Variants in MR1 observed in about 807,000 individuals in gnomAD.
The protein encoded by MR1 is major histocompatibility complex, class I-related.
Under a neutral mutation model 37.8 loss-of-function variants are expected in MR1, and 44 were observed. That is an observed-to-expected ratio of 1.16 (90% CI 0.91 to 1.50). The LOEUF (loss-of-function observed/expected upper bound fraction) is 1.50. MR1 is among the 40% of genes most tolerant of loss of function. MR1 has a pLI of 0.00. For synonymous variants in MR1, 153 were observed against 155.8 expected (o/e 0.98, Z 0.13); for missense variants, 386 against 419.1 (o/e 0.92, Z 0.69).
intron 1 of MR1, among the ~76,000 whole-genome samples, chr1:181,043,488 C>G (rs538504312): frequency 6.6e-6 from 1 of 152,286 alleles, no homozygotes; most frequent in East Asian, 1.9e-4. Context: ...TTTGGGAGGC[C>G]AAAGTGGGAG....
chr1:181,047,845 A>C (rs887333465), intron 1 of MR1, among the ~76,000 whole-genome samples: 2 of 152,070 alleles, frequency 1.3e-5, no homozygotes, highest in African/African-American at 4.8e-5. Flanking sequence ...GGTTGTAGTA[A>C]GCCAAGATCA....
chr1:181,051,488 G>C (rs1255702269), intron 3 of MR1, among the ~76,000 whole-genome samples: 1 of 152,122 alleles, frequency 6.6e-6, no homozygotes, highest in Non-Finnish European at 1.5e-5. Flanking sequence ...TAAGGTGGGG[G>C]TCAGGAGGCA....
rs1247289892 is a variant in MR1 at position 181,060,354 on chromosome 1, G to A, written c.*5089G>A. 2 of 152,076 alleles carry A rather than the reference G, an allele frequency of 1.3e-5. No individual in the cohort carries two copies. The highest frequency in any genetic ancestry group is 4.8e-5 in the African/African-American group (2 of 41,374). 9.4% of individuals were successfully genotyped at this position (152,076 alleles called of 1,614,324 possible). On this transcript the variant is annotated 3_prime_UTR_variant, in exon 6 of 6. Coordinates refer to ENST00000367580, the MANE Select transcript of MR1 (RefSeq NM_001385161.1). ...GAAGGCCACATTCTGAGGTACTGGGGGTTATAACTTCAACATGAATTTTTT... is the reference window on the plus strand; with the variant it reads ...GAAGGCCACATTCTGAGGTACTGGGAGTTATAACTTCAACATGAATTTTTT...
chr1:181,044,245 G>A (rs1657733794), intron 1 of MR1, among the ~76,000 whole-genome samples: 1 of 152,186 alleles, frequency 6.6e-6, no homozygotes, highest in Non-Finnish European at 1.5e-5. Flanking sequence ...TTACAGGCGT[G>A]AGCCACTGCG....
chr1:181,052,588 G>C, intron 4 of MR1, 78 bp downstream of exon 4: 1 of 1,482,520 alleles, frequency 6.7e-7, no homozygotes, highest in Non-Finnish European at 9.2e-7. Flanking sequence ...CGCTGCCAGG[G>C]AGGGGAGGAT....
chr1:181,046,158 G>A lies in MR1; in HGVS notation c.68-2894G>A, dbSNP rs537110711. On this transcript the variant is annotated intron_variant, in intron 1 of 5. Coordinates refer to ENST00000367580, the MANE Select transcript of MR1 (RefSeq NM_001385161.1). ...TGCGGCCCGAGCCTCCCCGATGAGC[G>A]CCACCCCTGCTCCACGGCGCCAGTC... 3.9e-5 allele frequency among the ~76,000 whole-genome samples: 6 copies of A among 152,258 alleles called. No homozygotes were observed. In the South Asian group the frequency reaches 6.2e-4, roughly 16 times the overall value.
At chr1:181,054,870 AAAAAG>A (rs769088387) in intron 5 of MR1, among the ~76,000 whole-genome samples, 6 of 152,248 alleles carry the variant, frequency 3.9e-5, no homozygotes, top group East Asian at 1.9e-4. Flanking sequence ...TCAAAAAAGA[AAAAAG>A]AAAAGAAAAG....
In MR1 at chr1:181,052,385, T is replaced by C. The variant is rs1276702801; in HGVS notation, c.755T>C (p.Ile252Thr). 1 of 1,614,178 alleles carries C rather than the reference T, an allele frequency of 6.2e-7. No homozygotes were observed. Among genetic ancestry groups the C allele is most frequent in the Non-Finnish European group, 8.5e-7 (1 of 1,180,032 alleles). Residue 252 changes from isoleucine (I) to threonine (T), a missense_variant, in exon 4 of 6, where the codon ATT becomes ACT. Coordinates refer to ENST00000367580, the MANE Select transcript of MR1 (RefSeq NM_001385161.1). ...EIVQEIDYGD[I>T]LPSGDGTYQA... ...GTCCAAGAAATTGATTATGGAGACA[T>C]TCTTCCCAGTGGGGATGGAACCTAT... is the stretch of plus-strand genomic sequence containing the variant.
In MR1 at chr1:181,056,465, C is replaced by T. The variant is rs987509273; in HGVS notation, c.*1200C>T. The T allele has an allele frequency of 6.6e-6, 1 of 151,990 alleles. No individual in the cohort carries two copies. Among genetic ancestry groups the T allele is most frequent in the Non-Finnish European group, 1.5e-5 (1 of 68,012 alleles). The allele number at this position is 151,990 out of a possible 1,614,324, so 9.4% of individuals were successfully genotyped here. On this transcript the variant is annotated 3_prime_UTR_variant, in exon 6 of 6. Coordinates refer to ENST00000367580, the MANE Select transcript of MR1 (RefSeq NM_001385161.1). ...CATTTCTGCCTTTCCTGTGCTGGCTCATGGTAGCTGGGCATGACTTGCCTT... is the reference window on the plus strand; with the variant it reads ...CATTTCTGCCTTTCCTGTGCTGGCTTATGGTAGCTGGGCATGACTTGCCTT...
At chr1:181,047,380 C>A (rs548983015) in intron 1 of MR1, among the ~76,000 whole-genome samples, 1 of 152,022 alleles carries the variant, frequency 6.6e-6, no homozygotes, top group Non-Finnish European at 1.5e-5. Flanking sequence ...GTGGGCAGAT[C>A]ATGAGGTCAG....
Position 181,049,176 on chromosome 1 carries a change from G to A in MR1, c.192G>A (p.Gln64=). 1 of 1,614,206 alleles carries A rather than the reference G, an allele frequency of 6.2e-7. No individual in the cohort carries two copies. Among genetic ancestry groups the A allele is most frequent in the Non-Finnish European group, 8.5e-7 (1 of 1,180,036 alleles). ...CCACATATGACAGTGTCACTCGGCAGAAGGAGCCACGGGCCCCATGGATGG... is the reference window on the plus strand; with the variant it reads ...CCACATATGACAGTGTCACTCGGCAAAAGGAGCCACGGGCCCCATGGATGG... ...PITTYDSVTR[Q]KEPRAPWMAE... The change falls in exon 2 of 6, where the codon CAG becomes CAA. Residue 64 remains glutamine (Q), a synonymous_variant. Transcript: ENST00000367580.
intron 1 of MR1, among the ~76,000 whole-genome samples, chr1:181,042,540 G>A (rs1204019437): frequency 6.8e-6 from 1 of 146,362 alleles, no homozygotes; most frequent in Admixed American, 6.7e-5. Flanking sequence ...GGTGGCTCAC[G>A]CCTGTAATCC....
intron 1 of MR1, among the ~76,000 whole-genome samples, chr1:181,035,957 T>C (rs55764324): frequency 0.28 from 43,170 of 152,036 alleles, 6,855 homozygotes; most frequent in African/African-American, 0.43. Flanking sequence ...TTCTCTGTTC[T>C]GTTCTGTGTC....
Position 181,053,575 on chromosome 1 carries a change from T to A in MR1, c.883T>A (p.Ser295Thr). ...TTTTCTCATTTGCTTGCTTTCAGAATCAGAAACTATCCCTCTTGTGATGAA... is the reference window on the plus strand; with the variant it reads ...TTTTCTCATTTGCTTGCTTTCAGAAACAGAAACTATCCCTCTTGTGATGAA... Reference protein sequence around the residue: ...VHMVLQVPQESETIPLVMKAV... With the variant: ...VHMVLQVPQETETIPLVMKAV... Residue 295 changes from serine to threonine, a missense_variant and splice_region_variant, in exon 5 of 6, where the codon TCA (serine) becomes ACA (threonine). Ser to Thr is a moderately conservative substitution (Grantham distance 58, BLOSUM62 1). Coordinates refer to ENST00000367580, the MANE Select transcript of MR1 (RefSeq NM_001385161.1). 2.5e-6 allele frequency: 4 copies of A among 1,612,122 alleles called. No individual in the cohort carries two copies. Among genetic ancestry groups the A allele is most frequent in the Non-Finnish European group, 2.5e-6 (3 of 1,178,342 alleles).
In MR1 at chr1:181,049,323, G is replaced by T. The variant is rs190989943; in HGVS notation, c.328+11G>T. On this transcript the variant is annotated intron_variant, in intron 2 of 5. Coordinates refer to ENST00000367580, the MANE Select transcript of MR1 (RefSeq NM_001385161.1). ...ACTACAATCACTCAGGTGTGCATGC[G>T]GCAGAGACAGACGCTTCCCCCATCC... 4 of 1,608,784 alleles carry T rather than the reference G, an allele frequency of 2.5e-6. No homozygotes were observed. Among genetic ancestry groups the T allele is most frequent in the East Asian group, 4.5e-5 (2 of 44,632 alleles).
upstream of MR1, chr1:181,033,412 G>T (rs1283733466): frequency 6.9e-6 from 1 of 144,078 alleles, no homozygotes; most frequent in Non-Finnish European, 1.5e-5. Context: ...AGCAAGCTGA[G>T]TGGCTGCCCC....
chr1:181,052,380 A>G lies in MR1; in HGVS notation c.750A>G (p.Gly250=). 6.2e-7 allele frequency: 1 copy of G among 1,614,194 alleles called. No individual in the cohort carries two copies. The highest frequency in any genetic ancestry group is 1.1e-5 in the South Asian group (1 of 91,084). The part of the protein sequence containing the change: ...GEEIVQEIDY[G]DILPSGDGTY... ...AAATTGTCCAAGAAATTGATTATGGAGACATTCTTCCCAGTGGGGATGGAA... is the reference window on the plus strand; with the variant it reads ...AAATTGTCCAAGAAATTGATTATGGGGACATTCTTCCCAGTGGGGATGGAA... Residue 250 remains glycine, a synonymous_variant, in exon 4 of 6, where the codon GGA becomes GGG. Transcript: ENST00000367580.
intron 3 of MR1, among the ~76,000 whole-genome samples, chr1:181,051,879 T>C (rs1413157951): frequency 6.6e-6 from 1 of 152,176 alleles, no homozygotes; most frequent in Non-Finnish European, 1.5e-5. Context: ...CTGACTTACT[T>C]ATTGGGAACA....
At chr1:181,042,618 G>A (rs56030303) in intron 1 of MR1, among the ~76,000 whole-genome samples, 44,643 of 151,072 alleles carry the variant, frequency 0.3, 7,550 homozygotes, top group African/African-American at 0.47. Context: ...CCTGGCCAAC[G>A]TGGCAAAAAC....
Sources: allele counts gnomAD v4.1 joint callset (sites outside exome capture counted in the v4.1 genomes callset), GRCh38; gene constraint gnomAD v4.1.1; transcripts MANE v1.5; gene names NCBI Gene and HGNC (gene_info 2026-07-23, HGNC 2026-07-21).